Variants in MYO1H observed in about 807,000 individuals in gnomAD.
MYO1H encodes myosin IH.
Under a neutral mutation model 149.3 loss-of-function variants are expected in MYO1H, and 118 were observed. The observed-to-expected ratio is 0.79, with a 90% CI of 0.68 to 0.92. MYO1H has a LOEUF of 0.92. Among genes scored for constraint, MYO1H ranks in the 40% least tolerant of loss-of-function variants. MYO1H has a pLI of 0.00. For synonymous variants in MYO1H, 447 were observed against 465.2 expected (o/e 0.96, Z 0.50); for missense variants, 1,212 against 1,280.7 (o/e 0.95, Z 0.82).
chr12:109,443,913 CAAAA>C (rs1872361613), intron 28 of MYO1H, among the ~76,000 whole-genome samples: 1 of 149,438 alleles, frequency 6.7e-6, no homozygotes, highest in Admixed American at 6.7e-5. Flanking sequence ...AAAAAAAAAA[CAAAA>C]AACAAAACCA....
exon 20 of MYO1H, chr12:109,432,905 C>A (rs764842255): frequency 1.2e-6 from 2 of 1,613,916 alleles, no homozygotes; most frequent in Admixed American, 3.3e-5. Context: ...AGGTACAAGT[C>A]CTTATGCCCA....
chr12:109,393,529 G>GTCCC, intron 3 of MYO1H, 83 bp downstream of exon 3: 1 of 734,902 alleles, frequency 1.4e-6, no homozygotes, highest in Non-Finnish European at 2.3e-6. Context: ...CCACGCATCT[G>GTCCC]TCCATCCATT....
the MYO1H span, among the ~76,000 whole-genome samples, chr12:109,326,118 G>A: frequency 1.3e-5 from 2 of 152,358 alleles, no homozygotes; most frequent in East Asian, 3.9e-4. Context: ...ATGCAGCAGT[G>A]CTTACCTGAA....
In MYO1H at chr12:109,354,630, A is replaced by AAAAAAAAAAAAAAG. The variant is rs796354256; in HGVS notation, c.12+6662_12+6663insAAAAAAAAAGAAAA. ...GCGAGACTCTGTCTAAAAAAAAAAA[A>AAAAAAAAAAAAAAG]AAAAGAAAAGAAAAGAAATCCCAGC... On this transcript the variant is annotated intron_variant, in intron 1 of 31. Transcript: ENST00000310903. Among the ~76,000 whole-genome samples the AAAAAAAAAAAAAAG allele has an allele frequency of 5.2e-5, 7 of 134,018 alleles. No individual in the cohort carries two copies. In the South Asian group the frequency reaches 6.9e-4, roughly 13 times the overall value. 87.9% of individuals were successfully genotyped at this position (134,018 alleles called of 152,430 possible).
At chr12:109,313,411 TG>T in the MYO1H span, among the ~76,000 whole-genome samples, 1 of 152,316 alleles carries the variant, frequency 6.6e-6, no homozygotes, top group South Asian at 2.1e-4. Context: ...CTTCAGAAGA[TG>T]GGAGCACAGA....
chr12:109,443,150 GTA>G (rs201198234), intron 27 of MYO1H, among the ~76,000 whole-genome samples: 5 of 66,480 alleles, frequency 7.5e-5, no homozygotes, highest in African/African-American at 1.6e-4. Context: ...ATATGTGTAC[GTA>G]TGTGTGTGTA....
intron 6 of MYO1H, among the ~76,000 whole-genome samples, chr12:109,403,687 T>G (rs1215453039): frequency 2.6e-5 from 4 of 152,186 alleles, no homozygotes; most frequent in Non-Finnish European, 5.9e-5. Flanking sequence ...TTCAATTTAT[T>G]TAGCAAAAAT....
the MYO1H span, among the ~76,000 whole-genome samples, chr12:109,335,559 T>C: frequency 6.8e-6 from 1 of 146,186 alleles, no homozygotes; most frequent in African/African-American, 2.5e-5. Context: ...TGTTTCTTCT[T>C]TTGTAAAAAA....
At chr12:109,444,314 G>A in intron 29 of MYO1H, 31 bp downstream of exon 29, 1 of 1,603,522 alleles carries the variant, frequency 6.2e-7, no homozygotes, top group Non-Finnish European at 8.5e-7. Flanking sequence ...TCTACTAAAA[G>A]ACAGAAACAA....
intron 14 of MYO1H, among the ~76,000 whole-genome samples, chr12:109,414,405 A>T (rs1411077465): frequency 7.0e-6 from 1 of 142,446 alleles, no homozygotes; most frequent in African/African-American, 2.6e-5. Context: ...TGAACTCAGG[A>T]GGTGGAGGTT....
chr12:109,416,028 C>T (rs895340843), intron 15 of MYO1H, among the ~76,000 whole-genome samples: 64 of 151,910 alleles, frequency 4.2e-4, no homozygotes, highest in African/African-American at 1.5e-3. Flanking sequence ...CTGCAACCTC[C>T]GCCTCCCAGG....
intron 1 of MYO1H, among the ~76,000 whole-genome samples, chr12:109,382,090 A>G (rs368773935): frequency 3.9e-5 from 6 of 152,230 alleles, no homozygotes; most frequent in Middle Eastern, 3.2e-3. Context: ...TGGAATATCA[A>G]ACTCCTAAGA....
At chr12:109,371,215 T>C (rs1205993522) in intron 1 of MYO1H, among the ~76,000 whole-genome samples, 3 of 124,886 alleles carry the variant, frequency 2.4e-5, no homozygotes, top group African/African-American at 4.5e-5. Flanking sequence ...TTTTCTTTCT[T>C]TTTTTTTTTT....
chr12:109,338,317 G>A, the MYO1H span, among the ~76,000 whole-genome samples: 1 of 152,130 alleles, frequency 6.6e-6, no homozygotes, highest in Non-Finnish European at 1.5e-5. Context: ...AAAAGCCATA[G>A]GCCCAGTATT....
intron 5 of MYO1H, among the ~76,000 whole-genome samples, chr12:109,399,736 A>AC (rs1870081640): frequency 6.6e-6 from 1 of 151,830 alleles, no homozygotes; most frequent in South Asian, 2.1e-4. Context: ...ACATAGTGAG[A>AC]CCCCCGTCTT....
chr12:109,409,728 C>T, intron 11 of MYO1H, 104 bp downstream of exon 11: 1 of 1,001,994 alleles, frequency 1.0e-6, no homozygotes, highest in Non-Finnish European at 1.6e-6. Context: ...TCCCTGTCCC[C>T]AGAAAGTCTC....
intron 23 of MYO1H, 60 bp downstream of exon 23, chr12:109,438,680 G>C: frequency 8.0e-7 from 1 of 1,246,936 alleles, no homozygotes; most frequent in South Asian, 1.3e-5. Flanking sequence ...CTGCAGGGAT[G>C]GTCATGGAGG....
the MYO1H span, among the ~76,000 whole-genome samples, chr12:109,322,524 TA>T: frequency 6.6e-6 from 1 of 152,156 alleles, no homozygotes; most frequent in African/African-American, 2.4e-5. Flanking sequence ...GTTCTTGCTT[TA>T]ACTACACCTA....
Position 109,409,543 on chromosome 12 carries a change from GTTAT to G in MYO1H, c.1156-11_1156-8del. The G allele has an allele frequency of 6.2e-7, 1 of 1,611,994 alleles. No homozygotes were observed. The highest frequency in any genetic ancestry group is 8.5e-7 in the Non-Finnish European group (1 of 1,178,224). Reference sequence around the variant, plus strand: ...AAAGACCTAACTATGAATGGGGTGTGTTATTTTGACCAGGATTTCACCAGGAAAA... The same window carrying G: ...AAAGACCTAACTATGAATGGGGTGTGTTTGACCAGGATTTCACCAGGAAAA... On this transcript the variant is annotated splice_polypyrimidine_tract_variant and intron_variant, in intron 10 of 31. Transcript: ENST00000310903.
Sources: gnomAD v4.1 joint callset for allele counts (sites outside exome capture counted in the v4.1 genomes callset) on GRCh38, gnomAD v4.1.1 for gene constraint, MANE v1.5 for transcripts, NCBI Gene and HGNC (gene_info 2026-07-23, HGNC 2026-07-21) for gene names.